The following SLC48A1 variants were observed in gnomAD, a reference collection of about 807,000 sequenced individuals.
The protein encoded by SLC48A1 is solute carrier family 48 member 1, also known as heme transporter HRG1.
Under a neutral mutation model 14.8 loss-of-function variants are expected in SLC48A1, and 6 were observed. That is an observed-to-expected ratio of 0.41 (90% CI 0.22 to 0.80). The LOEUF (loss-of-function observed/expected upper bound fraction) is 0.80. SLC48A1 is among the 30% of genes least tolerant of loss of function. SLC48A1 has a pLI of 0.34. For synonymous variants in SLC48A1, 89 were observed against 90.0 expected, an observed-to-expected ratio of 0.99 and a Z score of 0.06; for missense variants, 165 against 204.8, an observed-to-expected ratio of 0.81 and a Z score of 1.19.
chr12:47,758,890 C>T (rs182100878), intron 1 of SLC48A1: 6 of 1,121,460 alleles, frequency 5.4e-6, no homozygotes, highest in Non-Finnish European at 6.5e-6. Flanking sequence ...TGGCACCGGT[C>T]CGGGCGGGAG....
intron 1 of SLC48A1, chr12:47,759,266 G>T (rs1942289838): frequency 3.7e-5 from 10 of 273,806 alleles, no homozygotes; most frequent in Non-Finnish European, 5.6e-5. Context: ...ATCCGGGCTG[G>T]GGCCGCTTCC....
chr12:47,760,677 G>A (rs1360961504), intron 2 of SLC48A1, among the ~76,000 whole-genome samples: 1 of 152,126 alleles, frequency 6.6e-6, no homozygotes, highest in Non-Finnish European at 1.5e-5. Flanking sequence ...TCCCTGCCAC[G>A]ATCCTGTGAG....
intron 1 of SLC48A1, 70 bp downstream of exon 1, chr12:47,773,510 G>T: frequency 8.0e-7 from 1 of 1,248,556 alleles, no homozygotes; most frequent in Non-Finnish European, 1.0e-6. Context: ...GCTGCTCCAG[G>T]ACGCTCCCCG....
upstream of SLC48A1, chr12:47,758,110 G>A (rs748035314): frequency 3.2e-6 from 5 of 1,542,898 alleles, 1 homozygote; most frequent in South Asian, 6.0e-5. Flanking sequence ...GGACAGCCAT[G>A]GGACACGACT....
intron 2 of SLC48A1, 41 bp downstream of exon 2, chr12:47,779,236 G>A: frequency 6.6e-7 from 1 of 1,526,092 alleles, no homozygotes; most frequent in Non-Finnish European, 8.8e-7. Context: ...GGGAGGGACA[G>A]CAGCGGGGAT....
chr12:47,756,012 G>A (rs1462792930), upstream of SLC48A1: 1 of 152,248 alleles, frequency 6.6e-6, no homozygotes, highest in Admixed American at 6.5e-5. Flanking sequence ...CATCAGAAGA[G>A]GGAGTGGCCG....
rs1015097776 is a variant in SLC48A1, at chr12:47,782,445, C to G, written c.*2164C>G. ...TATTCCCACTCCCCCACCCCACCCCCACTCCTGCCATATCAGGGCTGGTCT... is the reference window on the plus strand; with the variant it reads ...TATTCCCACTCCCCCACCCCACCCCGACTCCTGCCATATCAGGGCTGGTCT... On this transcript the variant is annotated 3_prime_UTR_variant, in exon 3 of 3. Coordinates refer to ENST00000442218, the MANE Select transcript of SLC48A1 (RefSeq NM_017842.3). 6.6e-6 allele frequency: 1 copy of G among 152,310 alleles called. No individual in the cohort carries two copies. Among genetic ancestry groups the G allele is most frequent in the Non-Finnish European group, 1.5e-5 (1 of 68,096 alleles). The allele number at this position is 152,310 out of a possible 1,614,324, so 9.4% of individuals were successfully genotyped here. A position where few individuals can be genotyped will look rare whatever the true frequency, so the allele number is the denominator to read the frequency against.
At chr12:47,778,028 G>T (rs1361715150) in intron 1 of SLC48A1, among the ~76,000 whole-genome samples, 1 of 152,216 alleles carries the variant, frequency 6.6e-6, no homozygotes, top group African/African-American at 2.4e-5. Context: ...AACCCAACCA[G>T]CTGAGAGCCT....
At chr12:47,753,958 C>G (rs1941906760), upstream of SLC48A1, 2 of 152,216 alleles carry the variant, frequency 1.3e-5, no homozygotes, top group Admixed American at 1.3e-4. Flanking sequence ...GAGGAAGGGA[C>G]TTTAAGGAAT....
At chr12:47,780,098 G>A (rs1379569355) in intron 2 of SLC48A1, 47 bp from the exon 3 acceptor site, 15 of 1,490,312 alleles carry the variant, frequency 1.0e-5, no homozygotes, top group East Asian at 2.4e-5. Context: ...TGCAGAGGCC[G>A]AGGGCAGGGC....
In SLC48A1 at chr12:47,779,090, T is replaced by C; in HGVS notation, c.199T>C (p.Trp67Arg). ...GTACATGCAAGATTATTGGAGGACC[T>C]GGCTCAAGGGGCTGCGCGGCTTCTT... ...VMYMQDYWRT[W>R]LKGLRGFFFV... is the part of the protein sequence containing the mutation. The change falls in exon 2 of 3, where the codon TGG (tryptophan) becomes CGG (arginine). Residue 67 changes from tryptophan (W) to arginine (R), a missense_variant. Trp to Arg is a moderately radical substitution (Grantham distance 101). Coordinates refer to ENST00000442218, the MANE Select transcript of SLC48A1 (RefSeq NM_017842.3). The C allele has an allele frequency of 6.4e-7, 1 of 1,551,890 alleles. No individual in the cohort carries two copies. The highest frequency in any genetic ancestry group is 1.2e-5 in the South Asian group (1 of 84,054).
In SLC48A1 at chr12:47,782,671, C is replaced by T. The variant is rs117193288; in HGVS notation, c.*2390C>T. 6.6e-6 allele frequency: 1 copy of T among 152,418 alleles called. No individual in the cohort carries two copies. Among genetic ancestry groups the T allele is most frequent in the East Asian group, 1.9e-4 (1 of 5,190 alleles). The allele number at this position is 152,418 out of a possible 1,614,324, so 9.4% of individuals were successfully genotyped here. A position where few individuals can be genotyped will look rare whatever the true frequency, so the allele number is the denominator to read the frequency against. On this transcript the variant is annotated 3_prime_UTR_variant, in exon 3 of 3. Coordinates refer to ENST00000442218, the MANE Select transcript of SLC48A1 (RefSeq NM_017842.3). ...GTGCCGTGCAGCTGTGTGCCCTGCA[C>T]ACCCGCTTGACGGCGCACTGCTCAC...
At chr12:47,760,653 T>C (rs899180462) in intron 2 of SLC48A1, among the ~76,000 whole-genome samples, 1 of 152,174 alleles carries the variant, frequency 6.6e-6, no homozygotes. Flanking sequence ...TTCAAGTGCT[T>C]TCCATGTGTT....
chr12:47,755,430 A>G (rs188268771), upstream of SLC48A1, among the ~76,000 whole-genome samples: 1 of 152,326 alleles, frequency 6.6e-6, no homozygotes, highest in Non-Finnish European at 1.5e-5. Context: ...TCTCGGAGTT[A>G]CAAAACAGGG....
rs117708888 is a variant in SLC48A1 at position 47,781,547 on chromosome 12, A to G, written c.*1266A>G. 2 of 153,000 alleles carry G rather than the reference A, an allele frequency of 1.3e-5. No individual in the cohort carries two copies. Among genetic ancestry groups the G allele is most frequent in the African/African-American group, 4.8e-5 (2 of 41,422 alleles). 9.5% of individuals were successfully genotyped at this position (153,000 alleles called of 1,614,324 possible). On this transcript the variant is annotated 3_prime_UTR_variant, in exon 3 of 3. Transcript: ENST00000442218. ...GGAAGGGGCTGTTGGTACAAGGATG[A>G]TTTTCTGTTAGACTGCCATTTTGCA...
At position 47,758,891 on chromosome 12, in the gene SLC48A1, C is replaced by G. The variant is rs552500343; in HGVS notation, c.-373+231C>G. On this transcript the variant is annotated intron_variant, in intron 1 of 4. Transcript: ENST00000547002. ...AAGCAAGGCTGCGCTGGCACCGGTCCGGGCGGGAGCTGTCACACCCCCTGC... is the reference window on the plus strand; with the variant it reads ...AAGCAAGGCTGCGCTGGCACCGGTCGGGGCGGGAGCTGTCACACCCCCTGC... The G allele has an allele frequency of 3.6e-6, 4 of 1,115,942 alleles. No individual in the cohort carries two copies. In the East Asian group the frequency reaches 1.5e-4, roughly 43 times the overall value. The allele number at this position is 1,115,942 out of a possible 1,614,324, so 69.1% of individuals were successfully genotyped here. A position where few individuals can be genotyped will look rare whatever the true frequency, so the allele number is the denominator to read the frequency against.
In SLC48A1 at chr12:47,777,022, A is replaced by G. The variant is rs75354759; in HGVS notation, c.137-2006A>G. ...CCTGTTCCAGACAGGTGCCCATCAGACTGCTCCTTGAGTGTGCTCAGTGAC... is the reference window on the plus strand; with the variant it reads ...CCTGTTCCAGACAGGTGCCCATCAGGCTGCTCCTTGAGTGTGCTCAGTGAC... On this transcript the variant is annotated intron_variant, in intron 1 of 2. Coordinates refer to ENST00000442218, the MANE Select transcript of SLC48A1 (RefSeq NM_017842.3). The surrounding 1 kb of genome is among the most constrained non-coding windows in gnomAD (Gnocchi z 4.5). Among the ~76,000 whole-genome samples, 2,080 of 152,262 alleles carry G rather than the reference A, an allele frequency of 0.014. 23 individuals are homozygous for G. The highest frequency in any genetic ancestry group is 0.044 in the Middle Eastern group (13 of 294).
Position 47,781,596 on chromosome 12 carries a change from G to A in SLC48A1, c.*1315G>A, listed in dbSNP as rs1942879206. 6.5e-6 allele frequency: 1 copy of A among 152,936 alleles called. No individual in the cohort carries two copies. Among genetic ancestry groups the A allele is most frequent in the African/African-American group, 2.4e-5 (1 of 41,454 alleles). 9.5% of individuals were successfully genotyped at this position (152,936 alleles called of 1,614,324 possible). ...CACGGTCTCCCCCTTCCCATCTGAT[G>A]TGTCCTGCCCCTCAGCTCTTTGCCT... On this transcript the variant is annotated 3_prime_UTR_variant, in exon 3 of 3. Transcript: ENST00000442218.
At chr12:47,759,343 G>A (rs1330185950) in intron 1 of SLC48A1, among the ~76,000 whole-genome samples, 1 of 152,234 alleles carries the variant, frequency 6.6e-6, no homozygotes, top group Non-Finnish European at 1.5e-5. Context: ...GGAATAGGCG[G>A]CTTTCCCGCG....
Sources: allele counts gnomAD v4.1 joint callset (sites outside exome capture counted in the v4.1 genomes callset), GRCh38; gene constraint gnomAD v4.1.1; non-coding constraint Gnocchi (gnomAD v3.1); transcripts MANE v1.5; gene names NCBI Gene and HGNC (gene_info 2026-07-23, HGNC 2026-07-21).